Variants in TAPT1 observed in about 807,000 individuals in gnomAD.
The protein encoded by TAPT1 is transmembrane anterior posterior transformation protein 1 homolog.
TAPT1 carries 28 observed loss-of-function variants against 65.6 expected under a neutral mutation model. That is an observed-to-expected ratio of 0.43 (90% CI 0.32 to 0.59). The LOEUF (loss-of-function observed/expected upper bound fraction) is 0.59, where lower values mean the gene tolerates loss of function less well. TAPT1 is among the 20% of genes least tolerant of loss of function. TAPT1 has a pLI of 0.09. For missense variants in TAPT1, 563 were observed against 679.9 expected (o/e 0.83, Z 1.91); for synonymous variants, 278 against 245.2 (o/e 1.13, Z -1.25).
chr4:16,191,282 ACT>A (rs989844918), intron 4 of TAPT1, 77 bp downstream of exon 4: 100 of 1,411,656 alleles, frequency 7.1e-5, no homozygotes, highest in Non-Finnish European at 8.8e-5. Context: ...AGCATTCTTG[ACT>A]CTCAGGTACC....
intron 7 of TAPT1, among the ~76,000 whole-genome samples, chr4:16,184,640 T>C (rs1031956538): frequency 1.3e-5 from 2 of 152,220 alleles, no homozygotes; most frequent in African/African-American, 4.8e-5. Context: ...ACTGTCAGGC[T>C]ACAAGAGCAG....
chr4:16,164,585 T>C (rs1747460204), intron 13 of TAPT1, among the ~76,000 whole-genome samples: 3 of 152,150 alleles, frequency 2.0e-5, no homozygotes, highest in Admixed American at 2.0e-4. Context: ...AGAGTGACGC[T>C]TACTAACTTT....
chr4:16,181,341 A>T (rs374202719), intron 7 of TAPT1, among the ~76,000 whole-genome samples: 1 of 152,244 alleles, frequency 6.6e-6, no homozygotes, highest in Non-Finnish European at 1.5e-5. Context: ...GCTTCATTAC[A>T]GAATTATCTG....
intron 1 of TAPT1, among the ~76,000 whole-genome samples, chr4:16,219,328 CTTT>C (rs33930601): frequency 0.1 from 15,172 of 152,142 alleles, 2,396 homozygotes; most frequent in African/African-American, 0.34. Flanking sequence ...TGTCCCTCCC[CTTT>C]ACCTGTGCTC....
Position 16,161,285 on chromosome 4 carries a change from G to C in TAPT1, c.*2023C>G, listed in dbSNP as rs987117169. The C allele has an allele frequency of 9.2e-5, 14 of 152,564 alleles. No homozygotes were observed. Among genetic ancestry groups the C allele is most frequent in the Admixed American group, 8.5e-4 (13 of 15,280 alleles). The allele number at this position is 152,564 out of a possible 1,614,324, so 9.5% of individuals were successfully genotyped here. ...AATAGTAAATATTAAAATAAATTCA[G>C]TGACCTTTTTAAAAAAGATTACAAA... On this transcript the variant is annotated 3_prime_UTR_variant, in exon 14 of 14. Transcript: ENST00000405303.
chr4:16,222,367 A>T (rs1751301129), intron 1 of TAPT1, among the ~76,000 whole-genome samples: 1 of 152,250 alleles, frequency 6.6e-6, no homozygotes, highest in Non-Finnish European at 1.5e-5. Flanking sequence ...ATAGTTTGTC[A>T]GAAGTAGCTA....
At chr4:16,221,368 C>T (rs897824188) in intron 1 of TAPT1, among the ~76,000 whole-genome samples, 2 of 152,128 alleles carry the variant, frequency 1.3e-5, no homozygotes, top group Admixed American at 6.5e-5. Context: ...TCAGGCAATC[C>T]ACCCGCCTCA....
chr4:16,222,022 G>A (rs919481228), intron 1 of TAPT1, among the ~76,000 whole-genome samples: 1 of 152,172 alleles, frequency 6.6e-6, no homozygotes, highest in African/African-American at 2.4e-5. Flanking sequence ...ATTTACACAT[G>A]TATAGATGGA....
At chr4:16,196,737 G>C (rs1560173749) in intron 3 of TAPT1, 3 of 1,260,384 alleles carry the variant, frequency 2.4e-6, no homozygotes, top group South Asian at 1.2e-5. Flanking sequence ...ATTTACGAGA[G>C]AGAAAGAAAG....
intron 3 of TAPT1, among the ~76,000 whole-genome samples, chr4:16,199,601 T>A (rs971011863): frequency 2.0e-5 from 3 of 152,154 alleles, no homozygotes; most frequent in Non-Finnish European, 4.4e-5. Context: ...TAAGAATTTT[T>A]TTTTTTTAAA....
At chr4:16,172,971 C>T (rs1748102266) in intron 11 of TAPT1, among the ~76,000 whole-genome samples, 1 of 151,834 alleles carries the variant, frequency 6.6e-6, no homozygotes, top group Non-Finnish European at 1.5e-5. Flanking sequence ...TTACAGGCGC[C>T]TGCCACCACG....
intron 2 of TAPT1, among the ~76,000 whole-genome samples, chr4:16,204,786 G>C (rs767988381): frequency 3.9e-5 from 6 of 152,240 alleles, no homozygotes; most frequent in Non-Finnish European, 7.3e-5. Flanking sequence ...ACTTCACTCA[G>C]TCTGCAGAAA....
chr4:16,219,322 C>T (rs1318534700), intron 1 of TAPT1, among the ~76,000 whole-genome samples: 7 of 146,652 alleles, frequency 4.8e-5, no homozygotes, highest in Admixed American at 3.9e-4. Context: ...GCCCTCTGTC[C>T]CTCCCCTTTA....
chr4:16,209,946 T>C (rs1309970745), intron 2 of TAPT1, among the ~76,000 whole-genome samples: 1 of 152,182 alleles, frequency 6.6e-6, no homozygotes, highest in Non-Finnish European at 1.5e-5. Context: ...TCACCAGGAA[T>C]TTCCTCTTTA....
intron 7 of TAPT1, among the ~76,000 whole-genome samples, chr4:16,184,082 T>C (rs991793263): frequency 6.6e-6 from 1 of 152,232 alleles, no homozygotes; most frequent in Admixed American, 6.5e-5. Context: ...AAGTACATTA[T>C]GTGATGAGTT....
At chr4:16,193,696 C>A (rs1358920652) in intron 3 of TAPT1, among the ~76,000 whole-genome samples, 1 of 152,190 alleles carries the variant, frequency 6.6e-6, no homozygotes, top group Non-Finnish European at 1.5e-5. Flanking sequence ...TTGTGAGCTC[C>A]TGGCCTTGGT....
At chr4:16,176,421 C>T (rs958784429) in intron 8 of TAPT1, 193 bp from the exon 9 acceptor site, 6 of 389,496 alleles carry the variant, frequency 1.5e-5, no homozygotes, top group Middle Eastern at 6.6e-4. Flanking sequence ...ATTCAACAAA[C>T]GTTTACTCAG....
intron 7 of TAPT1, among the ~76,000 whole-genome samples, chr4:16,181,437 T>C (rs1011487370): frequency 2.0e-5 from 3 of 152,170 alleles, no homozygotes; most frequent in African/African-American, 7.2e-5. Context: ...AAAACTACCA[T>C]CGAATTTAAA....
Position 16,201,929 on chromosome 4 carries a change from CAG to C in TAPT1, c.449+531_449+532del, listed in dbSNP as rs5856342. Among the ~76,000 whole-genome samples, 143 of 152,256 alleles carry C rather than the reference CAG, an allele frequency of 9.4e-4. 1 individual carries two copies. The East Asian group carries it at 0.025, about 26-fold the overall frequency. ...CTTCCCCGTGGGGACAATGGTCTTCCAGAGTTTTTCCACTCTCACAAATCAGT... is the reference window on the plus strand; with the variant it reads ...CTTCCCCGTGGGGACAATGGTCTTCCAGTTTTTCCACTCTCACAAATCAGT... On this transcript the variant is annotated intron_variant, in intron 3 of 13. Transcript: ENST00000405303.
Sources: allele counts gnomAD v4.1 joint callset (sites outside exome capture counted in the v4.1 genomes callset), GRCh38; gene constraint gnomAD v4.1.1; transcripts MANE v1.5; gene names NCBI Gene and HGNC (gene_info 2026-07-23, HGNC 2026-07-21).